The following TXNDC5 variants were observed in gnomAD, a reference collection of about 807,000 sequenced individuals.
TXNDC5 encodes thioredoxin domain containing 5.
In TXNDC5, 44 loss-of-function variants were observed where a neutral mutation model predicts 52.6. The observed-to-expected ratio is 0.84, with a 90% confidence interval of 0.66 to 1.08. TXNDC5 has a LOEUF of 1.08. Among genes scored for constraint, TXNDC5 ranks in the 50% least tolerant of loss-of-function variants. The pLI is 0.00. For synonymous variants in TXNDC5, 241 were observed against 234.4 expected (o/e 1.03, Z -0.26); for missense variants, 600 against 565.5 (o/e 1.06, Z -0.62).
Position 7,904,627 on chromosome 6 carries a change from G to A in TXNDC5, c.360C>T (p.Asp120=). ...AGCACACGTCGGAGTGGGCCGTGCAGTCCACTTTAGCCACATAGACTTTGG... is the reference window on the plus strand; with the variant it reads ...AGCACACGTCGGAGTGGGCCGTGCAATCCACTTTAGCCACATAGACTTTGG... The part of the protein sequence containing the change: ...EDAKVYVAKV[D]CTAHSDVCSA... The change falls in exon 2 of 10, where the codon GAC becomes GAT. Residue 120 remains aspartate, a synonymous_variant. Coordinates refer to ENST00000379757, the MANE Select transcript of TXNDC5 (RefSeq NM_030810.5). The A allele has an allele frequency of 1.2e-6, 2 of 1,614,242 alleles. No homozygotes were observed. The highest frequency in any genetic ancestry group is 2.7e-5 in the African/African-American group (2 of 75,062).
chr6:7,886,395 C>G (rs1321111975), intron 7 of TXNDC5, among the ~76,000 whole-genome samples: 3 of 152,090 alleles, frequency 2.0e-5, no homozygotes. Flanking sequence ...GACCAGGCAG[C>G]CCTGGGTGTC....
intron 1 of TXNDC5, among the ~76,000 whole-genome samples, chr6:7,908,778 A>G (rs1760816256): frequency 6.6e-6 from 1 of 152,230 alleles, no homozygotes; most frequent in Non-Finnish European, 1.5e-5. Flanking sequence ...TAGAGGCTAC[A>G]GTGAGCTGCG....
At chr6:7,901,180 C>T (rs1180578995) in intron 2 of TXNDC5, among the ~76,000 whole-genome samples, 1 of 152,150 alleles carries the variant, frequency 6.6e-6, no homozygotes, top group Non-Finnish European at 1.5e-5. Flanking sequence ...GGCCAGTACA[C>T]CGGCTACGTC....
chr6:7,891,776 A>G (rs760253152), intron 4 of TXNDC5, 40 bp from the exon 5 acceptor site: 10 of 1,442,804 alleles, frequency 6.9e-6, no homozygotes, highest in Non-Finnish European at 8.8e-6. Flanking sequence ...GGAAAGAGGA[A>G]CTGTAATTTA....
chr6:7,909,403 G>GCATC (rs1384356473), intron 1 of TXNDC5, among the ~76,000 whole-genome samples: 4 of 152,194 alleles, frequency 2.6e-5, no homozygotes, highest in Non-Finnish European at 1.5e-5. Context: ...CTTCCTCGGG[G>GCATC]CATCCCGGCA....
chr6:7,902,487 A>T (rs1225505944), intron 2 of TXNDC5, among the ~76,000 whole-genome samples: 6 of 152,166 alleles, frequency 3.9e-5, no homozygotes, highest in Non-Finnish European at 8.8e-5. Flanking sequence ...TCATGTCCTG[A>T]CACATGCCTG....
intron 2 of TXNDC5, among the ~76,000 whole-genome samples, chr6:7,903,494 G>A (rs1215597101): frequency 2.6e-5 from 4 of 152,146 alleles, no homozygotes; most frequent in Admixed American, 2.0e-4. Flanking sequence ...ACAATGTTTG[G>A]GGGATCACCT....
chr6:7,884,561 C>G, intron 8 of TXNDC5, 73 bp from the exon 9 acceptor site: 4 of 1,601,708 alleles, frequency 2.5e-6, no homozygotes, highest in Non-Finnish European at 3.4e-6. Context: ...GCTGCCAAGA[C>G]AAGCTCTGTT....
chr6:7,910,547 C>T lies in TXNDC5; in HGVS notation c.230G>A (p.Ser77Asn). ...GAAGAACATGACGAAGTGCGCGGCG[C>T]TCTGGATCCCGTGCGTGAACATGTC... is the stretch of plus-strand genomic sequence containing the variant. ...TADMFTHGIQ[S>N]AAHFVMFFAP... Residue 77 changes from serine (S) to asparagine (N), a missense_variant, in exon 1 of 10, where the codon AGC becomes AAC. Transcript: ENST00000379757. 2.7e-6 allele frequency: 4 copies of T among 1,457,746 alleles called. No homozygotes were observed. Among genetic ancestry groups the T allele is most frequent in the Non-Finnish European group, 2.7e-6 (3 of 1,095,196 alleles). 90.3% of individuals were successfully genotyped at this position (1,457,746 alleles called of 1,614,324 possible).
Position 7,883,102 on chromosome 6 carries a change from G to T in TXNDC5, c.*42C>A. Reference sequence around the variant, plus strand: ...TGTGGGACTGAACTCCTAAACGCAGGGTGCGGGAGCTGGGCAGGAGAGGTG... The same window carrying T: ...TGTGGGACTGAACTCCTAAACGCAGTGTGCGGGAGCTGGGCAGGAGAGGTG... On this transcript the variant is annotated 3_prime_UTR_variant, in exon 10 of 10. Coordinates refer to ENST00000379757, the MANE Select transcript of TXNDC5 (RefSeq NM_030810.5). The T allele has an allele frequency of 1.2e-6, 2 of 1,612,904 alleles. No individual in the cohort carries two copies. The highest frequency in any genetic ancestry group is 1.7e-6 in the Non-Finnish European group (2 of 1,179,346).
chr6:7,885,536 C>T (rs1759935883), intron 8 of TXNDC5, among the ~76,000 whole-genome samples: 1 of 152,136 alleles, frequency 6.6e-6, no homozygotes, highest in South Asian at 2.1e-4. Flanking sequence ...GATTTCTCTA[C>T]AAAAGAAATC....
In TXNDC5 at chr6:7,882,661, T is replaced by TA; in HGVS notation, c.*482dup. The TA allele has an allele frequency of 6.3e-6, 1 of 157,976 alleles. No individual in the cohort carries two copies. Among genetic ancestry groups the TA allele is most frequent in the African/African-American group, 2.4e-5 (1 of 41,620 alleles). 9.8% of individuals were successfully genotyped at this position (157,976 alleles called of 1,614,324 possible). Reference sequence around the variant, plus strand: ...TTTTGCATTTCAATCTGCTCCATGCTACGGACCAACACAGTATTGAGTCAA... The same window carrying TA: ...TTTTGCATTTCAATCTGCTCCATGCTAACGGACCAACACAGTATTGAGTCAA... On this transcript the variant is annotated 3_prime_UTR_variant, in exon 10 of 10. Coordinates refer to ENST00000379757, the MANE Select transcript of TXNDC5 (RefSeq NM_030810.5).
At chr6:7,902,975 T>A (rs182575641) in intron 2 of TXNDC5, among the ~76,000 whole-genome samples, 11 of 152,336 alleles carry the variant, frequency 7.2e-5, no homozygotes, top group Non-Finnish European at 1.3e-4. Flanking sequence ...CTTCACTTCC[T>A]TCTCTGAAGC....
intron 2 of TXNDC5, among the ~76,000 whole-genome samples, chr6:7,901,378 C>G (rs1274100188): frequency 2.0e-5 from 3 of 152,184 alleles, no homozygotes; most frequent in African/African-American, 7.2e-5. Context: ...CTCAAGACAT[C>G]AGAAAGGACC....
chr6:7,894,540 A>G (rs1039585831), intron 4 of TXNDC5, among the ~76,000 whole-genome samples: 1 of 152,222 alleles, frequency 6.6e-6, no homozygotes, highest in African/African-American at 2.4e-5. Context: ...ATCACAATAA[A>G]ACAAGTCACA....
chr6:7,908,270 A>C (rs1287651905), intron 1 of TXNDC5, among the ~76,000 whole-genome samples: 2 of 144,416 alleles, frequency 1.4e-5, no homozygotes, highest in Non-Finnish European at 3.0e-5. Flanking sequence ...CAACAGAGCA[A>C]GACTCCATCT....
In TXNDC5 at chr6:7,899,632, G is replaced by A. The variant is rs1760495951; in HGVS notation, c.463C>T (p.Arg155Trp). ...GQEAVKYQGP[R>W]DFQTLENWML... ...CAGTTTTCCAGTGTCTGGAAGTCCC[G>A]AGGACCCTGGTACTTCACAGCTTCT... is the stretch of plus-strand genomic sequence containing the variant. The change falls in exon 3 of 10, where the codon CGG (arginine) becomes TGG (tryptophan). Residue 155 changes from arginine to tryptophan, a missense_variant. Transcript: ENST00000379757. 6 of 1,614,102 alleles carry A rather than the reference G, an allele frequency of 3.7e-6. No individual in the cohort carries two copies. Among genetic ancestry groups the A allele is most frequent in the African/African-American group, 1.3e-5 (1 of 75,006 alleles).
chr6:7,884,173 C>T (rs1021486194), intron 9 of TXNDC5, among the ~76,000 whole-genome samples, 186 bp downstream of exon 9: 6 of 152,070 alleles, frequency 3.9e-5, no homozygotes, highest in African/African-American at 9.7e-5. Flanking sequence ...ACAAAGCGGG[C>T]GAAGAAGAAT....
chr6:7,893,302 A>G (rs1158421605), intron 4 of TXNDC5, among the ~76,000 whole-genome samples: 1 of 152,274 alleles, frequency 6.6e-6, no homozygotes, highest in African/African-American at 2.4e-5. Context: ...GCAACAATGC[A>G]CTTGAAGAAA....
Sources: gnomAD v4.1 joint callset for allele counts (sites outside exome capture counted in the v4.1 genomes callset) on GRCh38, gnomAD v4.1.1 for gene constraint, MANE v1.5 for transcripts, NCBI Gene and HGNC (gene_info 2026-07-23, HGNC 2026-07-21) for gene names.